EDAR: variants seen among roughly 807,000 people sequenced by gnomAD.
The protein encoded by EDAR is ectodysplasin A receptor.
Under a neutral mutation model 51.3 loss-of-function variants are expected in EDAR, and 38 were observed. The observed-to-expected ratio is 0.74, with a 90% CI of 0.57 to 0.97. The LOEUF (loss-of-function observed/expected upper bound fraction) is 0.97, where lower values mean the gene tolerates loss of function less well. EDAR is among the 50% of genes least tolerant of loss of function. The pLI is 0.00. For synonymous variants in EDAR, 227 were observed against 242.1 expected, an observed-to-expected ratio of 0.94 and a Z score of 0.58; for missense variants, 528 against 595.0, an observed-to-expected ratio of 0.89 and a Z score of 1.17.
At chr2:108,932,528 CAAAAAAAAA>C (rs1171012818) in intron 1 of EDAR, among the ~76,000 whole-genome samples, 1 of 39,122 alleles carries the variant, frequency 2.6e-5, no homozygotes, top group Non-Finnish European at 5.0e-5. Context: ...GACTCTGTCT[CAAAAAAAAA>C]AAAAAAAAAA....
chr2:108,905,120 G>A (rs375172558), intron 11 of EDAR, among the ~76,000 whole-genome samples: 2 of 152,306 alleles, frequency 1.3e-5, no homozygotes, highest in East Asian at 3.9e-4. Context: ...AGGGTGTTTG[G>A]GCAGATTGGG....
chr2:108,943,605 G>A (rs146592207), intron 1 of EDAR, among the ~76,000 whole-genome samples: 45 of 152,290 alleles, frequency 3.0e-4, no homozygotes, highest in African/African-American at 1.0e-3. Flanking sequence ...GGCTTGGGAG[G>A]ACTCACTTCC....
At chr2:108,988,273 A>C (rs1296581062) in intron 1 of EDAR, among the ~76,000 whole-genome samples, 3 of 152,230 alleles carry the variant, frequency 2.0e-5, no homozygotes, top group Non-Finnish European at 4.4e-5. Context: ...GACATCTCAA[A>C]GCTTGGCTGC....
rs1311453273 is a variant in EDAR at position 108,895,389 on chromosome 2, T to C, written c.*1518A>G. On this transcript the variant is annotated 3_prime_UTR_variant, in exon 12 of 12. Transcript: ENST00000258443. ...GCCATCAGGGAGTTCAGCAGTGAACTCTAACCCCTGGTGTGATCACTAGCC... is the reference window on the plus strand; with the variant it reads ...GCCATCAGGGAGTTCAGCAGTGAACCCTAACCCCTGGTGTGATCACTAGCC... 1.3e-5 allele frequency: 2 copies of C among 152,650 alleles called. No homozygotes were observed. Among genetic ancestry groups the C allele is most frequent in the Non-Finnish European group, 2.9e-5 (2 of 68,036 alleles). 9.5% of individuals were successfully genotyped at this position (152,650 alleles called of 1,614,324 possible).
intron 5 of EDAR, among the ~76,000 whole-genome samples, chr2:108,914,562 A>G (rs1249028997): frequency 6.6e-6 from 1 of 152,242 alleles, no homozygotes; most frequent in Non-Finnish European, 1.5e-5. Flanking sequence ...AGACGCAACC[A>G]TTCAGCCAAA....
At position 108,950,471 on chromosome 2, in the gene EDAR, G is replaced by A. The variant is rs112035439; in HGVS notation, c.-18-19439C>T. Among the ~76,000 whole-genome samples the A allele has an allele frequency of 2.6e-4, 40 of 152,194 alleles. 1 individual carries two copies. Among genetic ancestry groups the A allele is most frequent in the African/African-American group, 8.7e-4 (36 of 41,510 alleles). On this transcript the variant is annotated intron_variant, in intron 1 of 11. Coordinates refer to ENST00000258443, the MANE Select transcript of EDAR (RefSeq NM_022336.4). ...TGTTGTATTTCTGTTTATAAGGGCCGATGGTGTTTAACAGCACATGAGCCA... is the reference window on the plus strand; with the variant it reads ...TGTTGTATTTCTGTTTATAAGGGCCAATGGTGTTTAACAGCACATGAGCCA...
intron 3 of EDAR, 152 bp from the exon 4 acceptor site, chr2:108,929,531 C>G (rs1022051476): frequency 2.5e-6 from 2 of 794,850 alleles, no homozygotes; most frequent in Admixed American, 2.0e-5. Flanking sequence ...ACTGCAAAAC[C>G]CCCCAGGAAC....
intron 5 of EDAR, among the ~76,000 whole-genome samples, chr2:108,915,811 C>A (rs1413541003): frequency 6.6e-6 from 1 of 152,046 alleles, no homozygotes; most frequent in Non-Finnish European, 1.5e-5. Context: ...GCAAGAGAAT[C>A]GCTGGAACCC....
At chr2:108,962,483 C>A (rs143306835) in intron 1 of EDAR, among the ~76,000 whole-genome samples, 1 of 151,788 alleles carries the variant, frequency 6.6e-6, no homozygotes, top group Non-Finnish European at 1.5e-5. Context: ...ACCATCCTGG[C>A]GAACACAGTG....
At position 108,930,231 on chromosome 2, in the gene EDAR, C is replaced by T. The variant is rs1212879705; in HGVS notation, c.63G>A (p.Met21Ile). ...TTGAGTATTCCGCTCGGGCTGAGCA[C>T]ATCAGAGACACCTGCCAACAAAGGG... ...PWLPVLVVSLMCSARAEYSNC... is the reference protein window; with the variant it reads ...PWLPVLVVSLICSARAEYSNC... The change falls in exon 3 of 12, where the codon ATG (methionine) becomes ATA (isoleucine). Residue 21 changes from methionine (M) to isoleucine (I), a missense_variant. By Grantham distance (10) the Met-to-Ile change is conservative. Transcript: ENST00000258443. 1.9e-6 allele frequency: 3 copies of T among 1,614,104 alleles called. No homozygotes were observed. Among genetic ancestry groups the T allele is most frequent in the African/African-American group, 2.7e-5 (2 of 75,030 alleles).
intron 8 of EDAR, 83 bp from the exon 9 acceptor site, chr2:108,910,615 T>C: frequency 7.0e-7 from 1 of 1,419,866 alleles, no homozygotes; most frequent in Non-Finnish European, 9.9e-7. Flanking sequence ...GCTCTTCCTG[T>C]TGGGCAGAGC....
chr2:108,911,089 G>C lies in EDAR; in HGVS notation c.530-17C>G. On this transcript the variant is annotated splice_polypyrimidine_tract_variant and intron_variant, in intron 6 of 11. Coordinates refer to ENST00000258443, the MANE Select transcript of EDAR (RefSeq NM_022336.4). ...CTGAGAGTTCTGTGGGTGGAGAGAAGGCATGAATGACCCAGAGCTCAGGAT... is the reference window on the plus strand; with the variant it reads ...CTGAGAGTTCTGTGGGTGGAGAGAACGCATGAATGACCCAGAGCTCAGGAT... The C allele has an allele frequency of 6.2e-7, 1 of 1,614,026 alleles. No individual in the cohort carries two copies. The highest frequency in any genetic ancestry group is 1.1e-5 in the South Asian group (1 of 91,042).
rs111244660 is a variant in EDAR, at chr2:108,932,131, A to G, written c.-18-1099T>C. ...GTGACGAACATATGCCATGATGCAC[A>G]GGAACCTTCCCTCCCTTCCTCCTTT... On this transcript the variant is annotated intron_variant, in intron 1 of 11. Coordinates refer to ENST00000258443, the MANE Select transcript of EDAR (RefSeq NM_022336.4). Among the ~76,000 whole-genome samples, 1,306 of 152,354 alleles carry G rather than the reference A, an allele frequency of 8.6e-3. 21 individuals carry two copies. The highest frequency in any genetic ancestry group is 0.03 in the African/African-American group (1,244 of 41,574).
At chr2:108,930,078 C>T (rs1050260711) in intron 3 of EDAR, 42 bp downstream of exon 3, 2 of 1,593,422 alleles carry the variant, frequency 1.3e-6, no homozygotes, top group African/African-American at 1.3e-5. Context: ...CAGGAGGCCT[C>T]CCCTGAGAGC....
At chr2:108,902,137 C>T (rs1327655025) in intron 11 of EDAR, among the ~76,000 whole-genome samples, 6 of 151,232 alleles carry the variant, frequency 4.0e-5, no homozygotes, top group Admixed American at 4.0e-4. Flanking sequence ...ACCCAGGAGG[C>T]TGAGAAAGGA....
chr2:108,961,259 T>G (rs1389473221), intron 1 of EDAR, among the ~76,000 whole-genome samples: 1 of 151,812 alleles, frequency 6.6e-6, no homozygotes, highest in East Asian at 1.9e-4. Context: ...AAGGGAACAG[T>G]TGCCAGTCCT....
intron 1 of EDAR, among the ~76,000 whole-genome samples, chr2:108,955,286 T>C (rs537075182): frequency 1.3e-5 from 2 of 152,290 alleles, no homozygotes; most frequent in South Asian, 4.2e-4. Flanking sequence ...GTGTATAAAG[T>C]ATTTACAACA....
At chr2:108,907,596 C>T (rs556265840) in intron 10 of EDAR, among the ~76,000 whole-genome samples, 3 of 151,704 alleles carry the variant, frequency 2.0e-5, no homozygotes, top group African/African-American at 4.8e-5. Context: ...TGTAGTGAGC[C>T]GAGATCGCAC....
intron 1 of EDAR, among the ~76,000 whole-genome samples, chr2:108,964,731 C>T (rs1466725991): frequency 6.6e-6 from 1 of 152,194 alleles, no homozygotes; most frequent in Non-Finnish European, 1.5e-5. Flanking sequence ...TCCGTTACGC[C>T]ACACTCAGTG....
Sources: allele counts gnomAD v4.1 joint callset (sites outside exome capture counted in the v4.1 genomes callset), GRCh38; gene constraint gnomAD v4.1.1; transcripts MANE v1.5; gene names NCBI Gene and HGNC (gene_info 2026-07-23, HGNC 2026-07-21).